ZBTB7C: variants seen among roughly 807,000 people sequenced by gnomAD.
ZBTB7C encodes the protein zinc finger and BTB domain containing 7C.
Under a neutral mutation model 25.7 loss-of-function variants are expected in ZBTB7C, and 8 were observed. The observed-to-expected ratio is 0.31, with a 90% CI of 0.18 to 0.56. The LOEUF is 0.56. ZBTB7C is among the 20% of genes least tolerant of loss of function. ZBTB7C has a pLI of 0.91. For synonymous variants in ZBTB7C, 394 were observed against 369.0 expected, an observed-to-expected ratio of 1.07 and a Z score of -0.78; for missense variants, 824 against 855.2, an observed-to-expected ratio of 0.96 and a Z score of 0.46.
chr18:48,273,768 C>T (rs536207108), intron 2 of ZBTB7C, among the ~76,000 whole-genome samples: 1 of 152,090 alleles, frequency 6.6e-6, no homozygotes, highest in African/African-American at 2.4e-5. Context: ...GAAAGAATCT[C>T]TAATTTTTAA....
At chr18:48,077,420 A>G (rs1745728709) in intron 3 of ZBTB7C, among the ~76,000 whole-genome samples, 1 of 152,196 alleles carries the variant, frequency 6.6e-6, no homozygotes, top group South Asian at 2.1e-4. Context: ...TCACACCCCA[A>G]ACTCCGTCAT....
chr18:48,193,342 G>A (rs12458557), intron 2 of ZBTB7C, among the ~76,000 whole-genome samples: 77 of 152,110 alleles, frequency 5.1e-4, no homozygotes, highest in Non-Finnish European at 9.6e-4. Flanking sequence ...CCCCCTCCTC[G>A]CAGGTCTAGA....
intron 3 of ZBTB7C, among the ~76,000 whole-genome samples, chr18:48,112,020 G>A (rs188782518): frequency 7.6e-4 from 115 of 152,170 alleles, no homozygotes; most frequent in Non-Finnish European, 1.2e-3. Context: ...AACAAAAAAG[G>A]ATACTAGTTA....
chr18:48,079,142 A>G (rs1436349339), intron 3 of ZBTB7C, among the ~76,000 whole-genome samples: 5 of 152,162 alleles, frequency 3.3e-5, no homozygotes, highest in Non-Finnish European at 5.9e-5. Context: ...TTCCAGTTTT[A>G]CAGATTGGTA....
intron 4 of ZBTB7C, among the ~76,000 whole-genome samples, chr18:48,031,672 A>G (rs1464234608): frequency 6.6e-6 from 1 of 152,234 alleles, no homozygotes; most frequent in Non-Finnish European, 1.5e-5. Context: ...GGAGAGGGAC[A>G]AAGGATTTGC....
At chr18:48,109,358 A>G (rs7234439) in intron 3 of ZBTB7C, among the ~76,000 whole-genome samples, 14,909 of 152,136 alleles carry the variant, frequency 0.098, 1,297 homozygotes, top group East Asian at 0.23. Context: ...AAAGATCTAG[A>G]CATGGCACAT....
chr18:48,248,085 A>G (rs1206973266), intron 2 of ZBTB7C, among the ~76,000 whole-genome samples: 1 of 152,130 alleles, frequency 6.6e-6, no homozygotes, highest in Non-Finnish European at 1.5e-5. Context: ...TAAGACGTTG[A>G]CTTTGCTCCT....
chr18:48,191,657 G>A (rs941180675), intron 2 of ZBTB7C, among the ~76,000 whole-genome samples: 5 of 152,190 alleles, frequency 3.3e-5, no homozygotes, highest in Non-Finnish European at 7.4e-5. Context: ...GCTAGTGGGA[G>A]CCCAGCGCTT....
At chr18:48,358,145 G>A (rs1171282865) in intron 1 of ZBTB7C, among the ~76,000 whole-genome samples, 1 of 152,212 alleles carries the variant, frequency 6.6e-6, no homozygotes, top group African/African-American at 2.4e-5. Flanking sequence ...GAGGTCAGGA[G>A]TTCGAGAACA....
At chr18:48,369,565 T>C (rs1436734707) in intron 1 of ZBTB7C, among the ~76,000 whole-genome samples, 2 of 152,110 alleles carry the variant, frequency 1.3e-5, no homozygotes, top group Non-Finnish European at 1.5e-5. Context: ...AAAAGATATG[T>C]CATGCAAACA....
chr18:48,091,138 A>G (rs2038396070), intron 3 of ZBTB7C, among the ~76,000 whole-genome samples: 1 of 151,164 alleles, frequency 6.6e-6, no homozygotes, highest in Non-Finnish European at 1.5e-5. Flanking sequence ...CAGTGGTGTG[A>G]TCATAGCTCA....
intron 3 of ZBTB7C, among the ~76,000 whole-genome samples, chr18:48,108,993 C>T (rs1386714878): frequency 6.6e-6 from 1 of 152,110 alleles, no homozygotes. Flanking sequence ...GAGCTATGAA[C>T]AAAGCCCTGG....
chr18:48,103,089 T>TTG lies in ZBTB7C; in HGVS notation c.-16-61967_-16-61966insCA, dbSNP rs1598882481. 1.1e-4 allele frequency among the ~76,000 whole-genome samples: 14 copies of TTG among 122,244 alleles called. No individual in the cohort carries two copies. The East Asian group carries it at 3.6e-3, about 31-fold the overall frequency. The allele number at this position is 122,244 out of a possible 152,430, so 80.2% of individuals were successfully genotyped here. Reference sequence around the variant, plus strand: ...ATATATATTTTATATTATATATATCTTATATATATTATATATTTTATATTA... The same window carrying TTG: ...ATATATATTTTATATTATATATATCTTGTATATATATTATATATTTTATATTA... On this transcript the variant is annotated intron_variant, in intron 3 of 4. Coordinates refer to ENST00000590800, the MANE Select transcript of ZBTB7C (RefSeq NM_001318841.2).
At chr18:48,278,103 T>C (rs910511385) in intron 2 of ZBTB7C, among the ~76,000 whole-genome samples, 3 of 152,202 alleles carry the variant, frequency 2.0e-5, no homozygotes, top group African/African-American at 7.2e-5. Flanking sequence ...GGACTGGCCA[T>C]GAGGTTTGTT....
At chr18:48,296,395 A>C (rs1432001813) in intron 2 of ZBTB7C, among the ~76,000 whole-genome samples, 1 of 152,218 alleles carries the variant, frequency 6.6e-6, no homozygotes, top group Non-Finnish European at 1.5e-5. Flanking sequence ...ACCAAGCCTA[A>C]GGCTGAGTCC....
intron 3 of ZBTB7C, among the ~76,000 whole-genome samples, chr18:48,062,002 A>C (rs2037144059): frequency 6.6e-6 from 1 of 152,246 alleles, no homozygotes; most frequent in African/African-American, 2.4e-5. Context: ...CTGGGCACAC[A>C]GTGTACCTCT....
intron 2 of ZBTB7C, among the ~76,000 whole-genome samples, chr18:48,310,392 G>C (rs2045787311): frequency 6.6e-6 from 1 of 150,588 alleles, no homozygotes; most frequent in East Asian, 1.9e-4. Flanking sequence ...TGCAAGTCTG[G>C]ATTTTAAAAC....
chr18:48,161,452 G>A (rs1012333824), intron 3 of ZBTB7C, among the ~76,000 whole-genome samples: 7 of 152,172 alleles, frequency 4.6e-5, no homozygotes, highest in South Asian at 2.1e-4. Context: ...AAAAATTCCC[G>A]AGCGTGGTGA....
At chr18:48,122,909 G>A (rs1221317389) in intron 3 of ZBTB7C, among the ~76,000 whole-genome samples, 4 of 152,070 alleles carry the variant, frequency 2.6e-5, no homozygotes, top group Non-Finnish European at 4.4e-5. Flanking sequence ...CACTCTAACC[G>A]CCCCCCACTC....
Sources: gnomAD v4.1 joint callset for allele counts (sites outside exome capture counted in the v4.1 genomes callset) on GRCh38, gnomAD v4.1.1 for gene constraint, MANE v1.5 for transcripts, NCBI Gene and HGNC (gene_info 2026-07-23, HGNC 2026-07-21) for gene names.